Variants in STARD10 observed in about 807,000 individuals in gnomAD.
STARD10 encodes START domain-containing protein 10.
Under a neutral mutation model 36.0 loss-of-function variants are expected in STARD10, and 24 were observed. That is an observed-to-expected ratio of 0.67 (90% CI 0.48 to 0.94). The LOEUF is 0.94. Ranked by LOEUF, STARD10 falls within the 40% of genes least tolerant of loss-of-function variation. STARD10 has a pLI of 0.00. For synonymous variants in STARD10, 156 were observed against 161.9 expected, an observed-to-expected ratio of 0.96 and a Z score of 0.28; for missense variants, 335 against 396.6, an observed-to-expected ratio of 0.84 and a Z score of 1.32.
chr11:72,764,844 G>GCC (rs1263716114), intron 2 of STARD10, among the ~76,000 whole-genome samples: 2 of 152,178 alleles, frequency 1.3e-5, no homozygotes, highest in African/African-American at 4.8e-5. Context: ...CATCTTGGCT[G>GCC]CCCCCGGAGA....
intron 2 of STARD10, chr11:72,780,278 G>A (rs1252918321): frequency 1.3e-5 from 5 of 393,772 alleles, no homozygotes; most frequent in African/African-American, 4.1e-5. Flanking sequence ...GGAAGAGCAG[G>A]GGAGATGGCT....
chr11:72,777,286 G>T lies in STARD10; in HGVS notation c.207+3689C>A, dbSNP rs546536344. Among the ~76,000 whole-genome samples, 76 of 152,388 alleles carry T rather than the reference G, an allele frequency of 5.0e-4. 1 individual carries two copies. Among genetic ancestry groups the T allele is most frequent in the Non-Finnish European group, 5.9e-5 (4 of 68,032 alleles). ...AGGCCACGTCCTCTGCTGTCTGCCTGCTCCTCATCTCTCCCCAGCTGGGTG... is the reference window on the plus strand; with the variant it reads ...AGGCCACGTCCTCTGCTGTCTGCCTTCTCCTCATCTCTCCCCAGCTGGGTG... On this transcript the variant is annotated intron_variant, in intron 2 of 6. Transcript: ENST00000334805.
chr11:72,765,045 A>C (rs928851518), intron 2 of STARD10, among the ~76,000 whole-genome samples: 3 of 152,218 alleles, frequency 2.0e-5, no homozygotes, highest in African/African-American at 7.2e-5. Context: ...AGGCGGGCAG[A>C]TCACCTGAGG....
Position 72,781,440 on chromosome 11 carries a change from T to G in STARD10, c.-113-146A>C. ...GCGCTGGACAGCCTCGGGGTCCCCC[T>G]CCCGAGGAGCGCCCCAGACCCCCTG... On this transcript the variant is annotated intron_variant, in intron 1 of 6. Coordinates refer to ENST00000334805, the MANE Select transcript of STARD10 (RefSeq NM_006645.3). This position sits in a 1 kb window ranked among gnomAD's most constrained non-coding sequence, Gnocchi z 4.7. The G allele has an allele frequency of 4.0e-6, 2 of 498,686 alleles. No homozygotes were observed. The highest frequency in any genetic ancestry group is 7.3e-6 in the Non-Finnish European group (2 of 273,606). 30.9% of individuals were successfully genotyped at this position (498,686 alleles called of 1,614,324 possible). A position where few individuals can be genotyped will look rare whatever the true frequency, so the allele number is the denominator to read the frequency against.
intron 1 of STARD10, among the ~76,000 whole-genome samples, chr11:72,783,046 A>G (rs1009232388): frequency 6.6e-6 from 1 of 152,102 alleles, no homozygotes; most frequent in Non-Finnish European, 1.5e-5. Context: ...GGTGCCTCCT[A>G]GCCTCACCAG....
In STARD10 at chr11:72,775,403, G is replaced by A. The variant is rs539528476; in HGVS notation, c.207+5572C>T. Among the ~76,000 whole-genome samples the A allele has an allele frequency of 2.0e-4, 30 of 152,174 alleles. No individual in the cohort carries two copies. In the East Asian group the frequency reaches 5.2e-3, roughly 26 times the overall value. ...TCTAAGACTCAAGGCGTGGGGCCTC[G>A]GTCTAGCTCTCTAATCACCTCCAGC... is the stretch of plus-strand genomic sequence containing the variant. On this transcript the variant is annotated intron_variant, in intron 2 of 6. Transcript: ENST00000334805.
In STARD10 at chr11:72,758,616, G is replaced by A; in HGVS notation, c.373C>T (p.Leu125=). 6.2e-7 allele frequency: 1 copy of A among 1,613,894 alleles called. No homozygotes were observed. The highest frequency in any genetic ancestry group is 2.2e-5 in the East Asian group (1 of 44,878). The change falls in exon 4 of 7, where the codon CTG becomes TTG. Residue 125 remains leucine (L), a synonymous_variant. Transcript: ENST00000334805. ...AGGGTGATGACATCACGGTTCTTCAGGGGCTTGGGACACCTCCCTGTGGGG... is the reference window on the plus strand; with the variant it reads ...AGGGTGATGACATCACGGTTCTTCAAGGGCTTGGGACACCTCCCTGTGGGG... ...GYYSWRCPKP[L]KNRDVITLRS...
At chr11:72,776,244 G>A (rs1215333731) in intron 2 of STARD10, among the ~76,000 whole-genome samples, 1 of 152,146 alleles carries the variant, frequency 6.6e-6, no homozygotes, top group African/African-American at 2.4e-5. Flanking sequence ...CCCTACGCTG[G>A]CCTAAGGTTA....
At chr11:72,777,977 C>T (rs1015482429) in intron 2 of STARD10, among the ~76,000 whole-genome samples, 13 of 152,168 alleles carry the variant, frequency 8.5e-5, no homozygotes, top group African/African-American at 2.2e-4. Context: ...GCTCAGCAAA[C>T]ACCTGCAGTT....
In STARD10 at chr11:72,771,088, C is replaced by T. The variant is rs567734182; in HGVS notation, c.207+9887G>A. On this transcript the variant is annotated intron_variant, in intron 2 of 6. Coordinates refer to ENST00000334805, the MANE Select transcript of STARD10 (RefSeq NM_006645.3). ...CTATCTGGGAGGAGGGACAATTATA[C>T]TCATTGGTAAATGGTGGCTCAGAAA... 7.2e-5 allele frequency among the ~76,000 whole-genome samples: 11 copies of T among 152,328 alleles called. No individual in the cohort carries two copies. The South Asian group carries it at 2.3e-3, about 32-fold the overall frequency.
At chr11:72,760,236 C>A (rs1474063780) in intron 2 of STARD10, among the ~76,000 whole-genome samples, 1 of 151,130 alleles carries the variant, frequency 6.6e-6, no homozygotes, top group Non-Finnish European at 1.5e-5. Context: ...TTCATTCATT[C>A]ATTTATTGAG....
At chr11:72,778,058 G>A (rs547165786) in intron 2 of STARD10, among the ~76,000 whole-genome samples, 98 of 152,322 alleles carry the variant, frequency 6.4e-4, no homozygotes, top group Non-Finnish European at 1.2e-3. Flanking sequence ...GGTGACCTTG[G>A]CAAGCCACTC....
In STARD10 at chr11:72,781,321, T is replaced by C. The variant is rs1858994380; in HGVS notation, c.-113-27A>G. ...TGCAAGACCGGTTTGGGGACGGGAA[T>C]CAGTGCGCTGGGGGCGCGGGTGGGG... On this transcript the variant is annotated intron_variant, in intron 1 of 6. Coordinates refer to ENST00000334805, the MANE Select transcript of STARD10 (RefSeq NM_006645.3). The surrounding 1 kb of genome is among the most constrained non-coding windows in gnomAD (Gnocchi z 4.7). 1 of 708,352 alleles carries C rather than the reference T, an allele frequency of 1.4e-6. No individual in the cohort carries two copies. The highest frequency in any genetic ancestry group is 2.3e-6 in the Non-Finnish European group (1 of 427,370). 43.9% of individuals were successfully genotyped at this position (708,352 alleles called of 1,614,324 possible). A position where few individuals can be genotyped will look rare whatever the true frequency, so the allele number is the denominator to read the frequency against.
At chr11:72,772,903 C>G (rs1468725080) in intron 2 of STARD10, among the ~76,000 whole-genome samples, 1 of 152,176 alleles carries the variant, frequency 6.6e-6, no homozygotes. Flanking sequence ...CCCAACCATG[C>G]TGCCAGTCAT....
In STARD10 at chr11:72,781,224, C is replaced by G; in HGVS notation, c.-43G>C. 1 of 1,555,280 alleles carries G rather than the reference C, an allele frequency of 6.4e-7. No individual in the cohort carries two copies. The highest frequency in any genetic ancestry group is 8.7e-7 in the Non-Finnish European group (1 of 1,143,768). On this transcript the variant is annotated 5_prime_UTR_variant, in exon 2 of 7. Coordinates refer to ENST00000334805, the MANE Select transcript of STARD10 (RefSeq NM_006645.3). This position sits in a 1 kb window ranked among gnomAD's most constrained non-coding sequence, Gnocchi z 4.7. Reference sequence around the variant, plus strand: ...CCAGGGCCCTGGTCCTAGTCCGGCTCTCCTGGGTCCTCCGCGGAGGCTCCG... The same window carrying G: ...CCAGGGCCCTGGTCCTAGTCCGGCTGTCCTGGGTCCTCCGCGGAGGCTCCG...
intron 2 of STARD10, among the ~76,000 whole-genome samples, chr11:72,762,465 AC>A (rs1858730037): frequency 6.6e-6 from 1 of 151,978 alleles, no homozygotes; most frequent in Non-Finnish European, 1.5e-5. Context: ...TGTTTGTGTC[AC>A]CCTAAACAAT....
At chr11:72,766,530 C>T (rs1017978109) in intron 2 of STARD10, among the ~76,000 whole-genome samples, 1 of 152,138 alleles carries the variant, frequency 6.6e-6, no homozygotes, top group Non-Finnish European at 1.5e-5. Flanking sequence ...AGCAGGGGGA[C>T]GAGTGGTGCA....
chr11:72,777,277 T>C (rs1163632913), intron 2 of STARD10, among the ~76,000 whole-genome samples: 1 of 152,256 alleles, frequency 6.6e-6, no homozygotes, highest in Non-Finnish European at 1.5e-5. Flanking sequence ...CGTCCTCTGC[T>C]GTCTGCCTGC....
At chr11:72,788,223 T>G (rs1227516762) in intron 1 of STARD10, among the ~76,000 whole-genome samples, 2 of 152,184 alleles carry the variant, frequency 1.3e-5, no homozygotes, top group Admixed American at 1.3e-4. Flanking sequence ...ATTTTCCTTA[T>G]CTGTCCGATG....
Sources: gnomAD v4.1 joint callset for allele counts (sites outside exome capture counted in the v4.1 genomes callset) on GRCh38, gnomAD v4.1.1 for gene constraint, Gnocchi (gnomAD v3.1) non-coding constraint, MANE v1.5 for transcripts, NCBI Gene and HGNC (gene_info 2026-07-23, HGNC 2026-07-21) for gene names.